The following LINGO2 variants were observed in gnomAD, a reference collection of about 807,000 sequenced individuals.
LINGO2 encodes the protein leucine-rich repeat and immunoglobulin-like domain-containing nogo receptor-interacting protein 2.
A neutral mutation model predicts 30.6 loss-of-function variants in LINGO2; 14 were observed. The observed-to-expected ratio is 0.46, with a 90% CI of 0.30 to 0.72. The LOEUF (loss-of-function observed/expected upper bound fraction) is 0.72, where lower values mean the gene tolerates loss of function less well. Ranked by LOEUF, LINGO2 falls within the 30% of genes least tolerant of loss-of-function variation. The pLI, the probability that LINGO2 is intolerant of heterozygous loss-of-function variation, is 0.07. For missense variants in LINGO2, 729 were observed against 751.7 expected (o/e 0.97, Z 0.35); for synonymous variants, 317 against 288.5 (o/e 1.10, Z -1.00).
chr9:28,762,574 C>G, the LINGO2 span, among the ~76,000 whole-genome samples: 3 of 152,008 alleles, frequency 2.0e-5, no homozygotes, highest in South Asian at 2.1e-4. Context: ...TATAGGAGCA[C>G]GGCAACTTGA....
chr9:27,950,338 G>A lies in LINGO2; in HGVS notation c.334C>T (p.Leu112=), dbSNP rs753455318. ...ACCAGCTTTAGACGATTGCCTTTTA[G>A]GCGGAGGGAACGCAGGTTAAAGAGA... Residue 112 remains leucine (L), a synonymous_variant, in exon 6 of 6, where the codon CTA becomes TTA. Coordinates refer to ENST00000379992, the Ensembl canonical transcript of LINGO2. 4.3e-6 allele frequency: 7 copies of A among 1,614,056 alleles called. No individual in the cohort carries two copies. The African/African-American group carries it at 5.3e-5, about 12-fold the overall frequency.
At chr9:28,990,853 T>G in the LINGO2 span, among the ~76,000 whole-genome samples, 36 of 152,150 alleles carry the variant, frequency 2.4e-4, no homozygotes, top group African/African-American at 8.0e-4. Flanking sequence ...AAAACCCATC[T>G]GTACATCACC....
At chr9:28,554,897 C>T (rs1822556756) in intron 1 of LINGO2, among the ~76,000 whole-genome samples, 2 of 135,614 alleles carry the variant, frequency 1.5e-5, no homozygotes. Flanking sequence ...TGAATGACTA[C>T]TGGGTACATA....
chr9:28,264,560 G>A (rs1295693423), intron 4 of LINGO2, among the ~76,000 whole-genome samples: 2 of 151,662 alleles, frequency 1.3e-5, no homozygotes, highest in African/African-American at 2.4e-5. Flanking sequence ...GCATGTCATC[G>A]GTGACTGGAA....
chr9:28,033,239 G>A (rs565674942), intron 4 of LINGO2, among the ~76,000 whole-genome samples: 2 of 152,284 alleles, frequency 1.3e-5, no homozygotes, highest in East Asian at 3.9e-4. Context: ...AAATCTCATT[G>A]AATTCCTATG....
intron 5 of LINGO2, among the ~76,000 whole-genome samples, chr9:27,957,204 C>A (rs141994758): frequency 2.0e-5 from 3 of 152,194 alleles, no homozygotes; most frequent in African/African-American, 7.2e-5. Context: ...ATCTCCATTT[C>A]TCTTTTCTAT....
the LINGO2 span, among the ~76,000 whole-genome samples, chr9:29,043,435 A>G: frequency 6.6e-6 from 1 of 152,024 alleles, no homozygotes; most frequent in Non-Finnish European, 1.5e-5. Context: ...AAAAATCGAA[A>G]AAGCTGAGTC....
intron 1 of LINGO2, among the ~76,000 whole-genome samples, chr9:28,553,851 C>T (rs1395233178): frequency 6.6e-6 from 1 of 152,068 alleles, no homozygotes; most frequent in Non-Finnish European, 1.5e-5. Flanking sequence ...ATTCAACATT[C>T]TTGAAGAAAA....
intron 2 of LINGO2, among the ~76,000 whole-genome samples, chr9:28,464,764 T>C (rs1825228381): frequency 6.6e-6 from 1 of 152,216 alleles, no homozygotes; most frequent in Admixed American, 6.5e-5. Flanking sequence ...GCTCACTACT[T>C]AAGGTTTCCA....
At chr9:27,948,705 T>C (rs1340334249) in exon 6 of LINGO2, 2 of 897,110 alleles carry the variant, frequency 2.2e-6, no homozygotes, top group Non-Finnish European at 3.5e-6. Flanking sequence ...AGAGTCTCCA[T>C]TGGAAGTCCT....
In LINGO2 at chr9:28,589,670, G is replaced by T. The variant is rs562322698; in HGVS notation, c.-365+80530C>A. Among the ~76,000 whole-genome samples, 25 of 152,070 alleles carry T rather than the reference G, an allele frequency of 1.6e-4. No homozygotes were observed. The South Asian group carries it at 5.0e-3, about 30-fold the overall frequency. On this transcript the variant is annotated intron_variant, in intron 1 of 5. Transcript: ENST00000379992. ...TAAAAGAGGATACAAACAAATGGAA[G>T]AACATTCCATGCTCATGGGTAGGAA...
At chr9:27,943,281 G>A (rs1823236997), downstream of LINGO2, 1 of 151,932 alleles carries the variant, frequency 6.6e-6, no homozygotes, top group Non-Finnish European at 1.5e-5. Context: ...TCTTCAGTAT[G>A]GACAGTTATC....
chr9:28,657,593 A>T (rs1359376699), intron 1 of LINGO2, among the ~76,000 whole-genome samples: 1 of 152,034 alleles, frequency 6.6e-6, no homozygotes, highest in Non-Finnish European at 1.5e-5. Flanking sequence ...TAAAATAAGT[A>T]GTAATATTCC....
chr9:27,983,595 TCTTA>T (rs1820986285), intron 5 of LINGO2, among the ~76,000 whole-genome samples: 1 of 151,886 alleles, frequency 6.6e-6, no homozygotes, highest in Non-Finnish European at 1.5e-5. Context: ...AGTCATTGTA[TCTTA>T]CTATGAAAAG....
At chr9:27,964,252 T>G (rs1259126646) in intron 5 of LINGO2, among the ~76,000 whole-genome samples, 2 of 152,036 alleles carry the variant, frequency 1.3e-5, no homozygotes, top group African/African-American at 4.8e-5. Flanking sequence ...TTATAACATA[T>G]TTTTTTCTAA....
At chr9:28,029,591 A>T (rs1212127655) in intron 4 of LINGO2, among the ~76,000 whole-genome samples, 1 of 152,210 alleles carries the variant, frequency 6.6e-6, no homozygotes, top group African/African-American at 2.4e-5. Context: ...GTCAAAAATA[A>T]AATGAAGGAG....
chr9:28,640,596 C>T (rs1827525426), intron 1 of LINGO2, among the ~76,000 whole-genome samples: 2 of 151,430 alleles, frequency 1.3e-5, no homozygotes, highest in South Asian at 2.1e-4. Flanking sequence ...TCATTGATAC[C>T]CTTTCTTCCA....
At chr9:28,672,936 T>C (rs1031219331), upstream of LINGO2, among the ~76,000 whole-genome samples, 19 of 152,114 alleles carry the variant, frequency 1.2e-4, no homozygotes, top group Non-Finnish European at 2.2e-4. Context: ...AAATAAGTTA[T>C]GTTGGTGAAG....
rs1362971135 is a variant in LINGO2, at chr9:28,664,985, G to A, written c.-365+5215C>T. On this transcript the variant is annotated intron_variant, in intron 1 of 5. Coordinates refer to ENST00000379992, the Ensembl canonical transcript of LINGO2. ...CAAGGACTTCATCTGTATTATTTATGTATGTGTTTACATATATATATATAT... is the reference window on the plus strand; with the variant it reads ...CAAGGACTTCATCTGTATTATTTATATATGTGTTTACATATATATATATAT... Among the ~76,000 whole-genome samples the A allele has an allele frequency of 1.2e-4, 12 of 100,932 alleles. 1 individual carries two copies. Among genetic ancestry groups the A allele is most frequent in the Non-Finnish European group, 1.3e-4 (6 of 45,416 alleles). 66.2% of individuals were successfully genotyped at this position (100,932 alleles called of 152,430 possible).
Sources: allele counts gnomAD v4.1 joint callset (sites outside exome capture counted in the v4.1 genomes callset), GRCh38; gene constraint gnomAD v4.1.1; transcripts MANE v1.5; gene names NCBI Gene and HGNC (gene_info 2026-07-23, HGNC 2026-07-21).